The following UCHL3 variants were observed in gnomAD, a reference collection of about 807,000 sequenced individuals.
UCHL3 encodes ubiquitin C-terminal hydrolase L3, also known as ubiquitin carboxyl-terminal hydrolase isozyme L3.
In UCHL3, 22 loss-of-function variants were observed where a neutral mutation model predicts 35.8. That is an observed-to-expected ratio of 0.61 (90% CI 0.44 to 0.88). The LOEUF is 0.88. UCHL3 is among the 40% of genes least tolerant of loss of function. The probability of loss-of-function intolerance (pLI) is 0.00; values close to 1 mark genes in which losing one functional copy is unlikely to be tolerated. For missense variants in UCHL3, 229 were observed against 276.9 expected (o/e 0.83, Z 1.23); for synonymous variants, 90 against 92.8 (o/e 0.97, Z 0.17).
At chr13:75,562,781 A>G (rs775841457) in intron 3 of UCHL3, among the ~76,000 whole-genome samples, 22 of 152,226 alleles carry the variant, frequency 1.4e-4, no homozygotes, top group Non-Finnish European at 3.1e-4. Context: ...GAAAGGAAGA[A>G]CACAGTTCTA....
In UCHL3 at chr13:75,567,236, C is replaced by T. The variant is rs1272176483; in HGVS notation, c.350C>T (p.Ser117Leu). 1 of 1,613,908 alleles carries T rather than the reference C, an allele frequency of 6.2e-7. No homozygotes were observed. The highest frequency in any genetic ancestry group is 8.5e-7 in the Non-Finnish European group (1 of 1,179,956). ...NKDKMHFESG[S>L]TLKKFLEESV... Reference sequence around the variant, plus strand: ...TCTTTCATATTCTCAGAATCTGGATCAACCTTGAAAAAATTCCTGGAGGAA... The same window carrying T: ...TCTTTCATATTCTCAGAATCTGGATTAACCTTGAAAAAATTCCTGGAGGAA... Residue 117 changes from serine to leucine, a missense_variant, in exon 5 of 9, where the codon TCA becomes TTA. Physicochemically the swap from Ser to Leu is moderately radical, Grantham distance 145 (BLOSUM62 -2). Coordinates refer to ENST00000377595, the MANE Select transcript of UCHL3 (RefSeq NM_006002.5).
At chr13:75,598,797 C>A (rs144907575) in intron 7 of UCHL3, among the ~76,000 whole-genome samples, 2 of 152,122 alleles carry the variant, frequency 1.3e-5, no homozygotes, top group Non-Finnish European at 2.9e-5. Context: ...GCTCATCAAG[C>A]TTTTATCCTC....
Position 75,581,018 on chromosome 13 carries a change from C to T in UCHL3, c.474+11511C>T, listed in dbSNP as rs747533238. 3.3e-5 allele frequency among the ~76,000 whole-genome samples: 5 copies of T among 151,980 alleles called. No individual in the cohort carries two copies. The East Asian group carries it at 5.8e-4, about 18-fold the overall frequency. On this transcript the variant is annotated intron_variant, in intron 6 of 8. Transcript: ENST00000377595. ...TGCCGAATACTTTGTTCTTTTTTGC[C>T]GTTAACATCTAAGTCAGTTCTTATT...
chr13:75,582,162 C>T (rs1593748086), intron 6 of UCHL3, among the ~76,000 whole-genome samples: 1 of 146,948 alleles, frequency 6.8e-6, no homozygotes. Context: ...TCTGTATTCT[C>T]ATAGCTCACT....
chr13:75,564,185 C>G (rs1214996670), intron 3 of UCHL3, among the ~76,000 whole-genome samples: 1 of 151,112 alleles, frequency 6.6e-6, no homozygotes, highest in East Asian at 1.9e-4. Context: ...GAGTCTCGCT[C>G]TGTTGCCCAG....
At chr13:75,600,363 C>T (rs2032749440) in intron 7 of UCHL3, among the ~76,000 whole-genome samples, 1 of 152,188 alleles carries the variant, frequency 6.6e-6, no homozygotes, top group Non-Finnish European at 1.5e-5. Context: ...CCATCTAGGA[C>T]TTCTGTAGCT....
At chr13:75,575,193 G>T (rs1198142921) in intron 6 of UCHL3, among the ~76,000 whole-genome samples, 3 of 152,130 alleles carry the variant, frequency 2.0e-5, no homozygotes, top group Middle Eastern at 3.2e-3. Context: ...CAGAAGATTG[G>T]CCATAGCATA....
intron 6 of UCHL3, among the ~76,000 whole-genome samples, chr13:75,590,764 A>G (rs1428416774): frequency 1.3e-5 from 2 of 152,164 alleles, no homozygotes; most frequent in Non-Finnish European, 2.9e-5. Context: ...CTCCTTGTGT[A>G]TTGATGTAGG....
chr13:75,567,134 C>G, intron 4 of UCHL3, 93 bp from the exon 5 acceptor site: 1 of 1,188,728 alleles, frequency 8.4e-7, no homozygotes, highest in Non-Finnish European at 1.2e-6. Context: ...AAGAATTTAA[C>G]CTGAAAAATA....
upstream of UCHL3, chr13:75,549,599 T>G (rs61472085): frequency 0.028 from 13,237 of 467,892 alleles, 1,466 homozygotes; most frequent in African/African-American, 0.24. Flanking sequence ...TGGCTTATTT[T>G]TTTCTCCTCG....
intron 5 of UCHL3, among the ~76,000 whole-genome samples, chr13:75,567,578 C>T (rs569982718): frequency 1.5e-4 from 23 of 150,754 alleles, no homozygotes; most frequent in Non-Finnish European, 3.1e-4. Context: ...TATGCAGTCT[C>T]GCTCTGCCGC....
chr13:75,583,475 GA>G (rs2032241310), intron 6 of UCHL3, among the ~76,000 whole-genome samples: 1 of 152,094 alleles, frequency 6.6e-6, no homozygotes, highest in Admixed American at 6.6e-5. Flanking sequence ...CTTTAAAATA[GA>G]AATAATTATA....
At chr13:75,577,017 A>AG (rs2032044006) in intron 6 of UCHL3, among the ~76,000 whole-genome samples, 1 of 152,182 alleles carries the variant, frequency 6.6e-6, no homozygotes, top group South Asian at 2.1e-4. Context: ...TGGGAGGCCA[A>AG]GAAGGGAGGA....
At chr13:75,561,853 ACG>A (rs1196175242) in intron 3 of UCHL3, among the ~76,000 whole-genome samples, 2 of 150,034 alleles carry the variant, frequency 1.3e-5, no homozygotes, top group South Asian at 2.1e-4. Context: ...ACGTATACAT[ACG>A]TATACATATA....
chr13:75,602,754 A>C (rs534537393), intron 7 of UCHL3, among the ~76,000 whole-genome samples: 138 of 152,326 alleles, frequency 9.1e-4, no homozygotes, highest in Non-Finnish European at 1.7e-3. Flanking sequence ...TAAAGGAGGC[A>C]TTAAAAATAC....
intron 7 of UCHL3, among the ~76,000 whole-genome samples, chr13:75,595,820 C>T (rs921593172): frequency 6.7e-6 from 1 of 149,832 alleles, no homozygotes. Flanking sequence ...TTTCAGTGGA[C>T]TATTTCATGG....
chr13:75,554,080 C>T (rs952550626), intron 2 of UCHL3, among the ~76,000 whole-genome samples: 1 of 152,070 alleles, frequency 6.6e-6, no homozygotes, highest in Admixed American at 6.5e-5. Context: ...TTTTTAAAGA[C>T]AGGGTCTTGT....
chr13:75,556,356 T>C (rs1286396951), intron 2 of UCHL3, among the ~76,000 whole-genome samples: 3 of 152,244 alleles, frequency 2.0e-5, no homozygotes, highest in Non-Finnish European at 4.4e-5. Context: ...CTAATAGTTA[T>C]TCTACTTCTA....
intron 6 of UCHL3, among the ~76,000 whole-genome samples, chr13:75,577,772 C>T (rs2032067411): frequency 6.6e-6 from 1 of 152,074 alleles, no homozygotes; most frequent in African/African-American, 2.4e-5. Flanking sequence ...AATGTGAAGC[C>T]AAGAAAGAAA....
Sources: allele counts gnomAD v4.1 joint callset (sites outside exome capture counted in the v4.1 genomes callset), GRCh38; gene constraint gnomAD v4.1.1; transcripts MANE v1.5; gene names NCBI Gene and HGNC (gene_info 2026-07-23, HGNC 2026-07-21).